Variants in STX11 observed in about 807,000 individuals in gnomAD.
STX11 encodes syntaxin 11.
Under a neutral mutation model 19.9 loss-of-function variants are expected in STX11, and 21 were observed. That is an observed-to-expected ratio of 1.06 (90% CI 0.75 to 1.52). The LOEUF is 1.52. STX11 is among the 40% of genes most tolerant of loss of function. The probability of loss-of-function intolerance (pLI) is 0.00; values close to 1 mark genes in which losing one functional copy is unlikely to be tolerated. For synonymous variants in STX11, 193 were observed against 174.4 expected, an observed-to-expected ratio of 1.11 and a Z score of -0.84; for missense variants, 438 against 405.9, an observed-to-expected ratio of 1.08 and a Z score of -0.68.
chr6:144,147,716 A>G (rs1800902322), upstream of STX11, among the ~76,000 whole-genome samples: 4 of 152,164 alleles, frequency 2.6e-5, no homozygotes, highest in African/African-American at 9.6e-5. The surrounding 1 kb of genome is among the most constrained non-coding windows in gnomAD (Gnocchi z 4.2). Flanking sequence ...TCCACAATTT[A>G]CTTTTTCAGG....
At chr6:144,185,490 C>T (rs1420802514) in intron 1 of STX11, among the ~76,000 whole-genome samples, 1 of 152,178 alleles carries the variant, frequency 6.6e-6, no homozygotes, top group Non-Finnish European at 1.5e-5. Context: ...TTTTTCACTT[C>T]ACTGAAAAGC....
rs192622310 is a variant in STX11 at position 144,176,656 on chromosome 6, G to C, written c.-5-9967G>C. Among the ~76,000 whole-genome samples the C allele has an allele frequency of 1.1e-4, 17 of 152,256 alleles. No homozygotes were observed. The highest frequency in any genetic ancestry group is 4.1e-4 in the African/African-American group (17 of 41,566). ...AGTGGAGATAACTGAGGAAGGGTTT[G>C]CTATTTTAACTCCCAGGAAAGAGAA... On this transcript the variant is annotated intron_variant, in intron 1 of 1. Transcript: ENST00000367568. The surrounding 1 kb of genome is among the most constrained non-coding windows in gnomAD (Gnocchi z 4.1).
rs770699587 is a variant in STX11, at chr6:144,159,306, A to G, written c.-6+8603A>G. On this transcript the variant is annotated intron_variant, in intron 1 of 1. Coordinates refer to ENST00000367568, the MANE Select transcript of STX11 (RefSeq NM_003764.4). The surrounding 1 kb of genome is among the most constrained non-coding windows in gnomAD (Gnocchi z 4.3). Reference sequence around the variant, plus strand: ...TAAGTAACAATTGAATATGTTATCAAACAACTACCAATAAAATATGGTGAG... The same window carrying G: ...TAAGTAACAATTGAATATGTTATCAGACAACTACCAATAAAATATGGTGAG... Among the ~76,000 whole-genome samples the G allele has an allele frequency of 1.3e-5, 2 of 152,240 alleles. No individual in the cohort carries two copies. The highest frequency in any genetic ancestry group is 6.5e-5 in the Admixed American group (1 of 15,288).
At chr6:144,150,455 G>A (rs1289174547), upstream of STX11, 6 of 973,930 alleles carry the variant, frequency 6.2e-6, no homozygotes, top group Admixed American at 1.8e-4. Context: ...TCATCCCGGG[G>A]CGGGGCCTGG....
intron 1 of STX11, among the ~76,000 whole-genome samples, chr6:144,157,113 C>CT (rs1231857582): frequency 1.3e-5 from 2 of 152,126 alleles, no homozygotes; most frequent in African/African-American, 4.8e-5. Context: ...CCCTGAGACT[C>CT]TGAGATTTCC....
chr6:144,161,373 C>CT, intron 1 of STX11, among the ~76,000 whole-genome samples: 1 of 150,092 alleles, frequency 6.7e-6, no homozygotes, highest in East Asian at 2.0e-4. Flanking sequence ...TGGAAATTTT[C>CT]TTTTTTTCTC....
At chr6:144,185,360 T>TGATAGA (rs1802000040) in intron 1 of STX11, among the ~76,000 whole-genome samples, 1 of 152,246 alleles carries the variant, frequency 6.6e-6, no homozygotes, top group Non-Finnish European at 1.5e-5. Flanking sequence ...GTGTTACTAC[T>TGATAGA]TTTCCCCTCT....
In STX11 at chr6:144,180,466, A is replaced by T. The variant is rs1354992304; in HGVS notation, c.-5-6157A>T. Among the ~76,000 whole-genome samples, 1 of 152,104 alleles carries T rather than the reference A, an allele frequency of 6.6e-6. No homozygotes were observed. Among genetic ancestry groups the T allele is most frequent in the Admixed American group, 6.5e-5 (1 of 15,268 alleles). ...AGGGGAAGGTAATTGAATCCTGGGG[A>T]TTGGTCTTCCCTGTGCTATTCTCGT... On this transcript the variant is annotated intron_variant, in intron 1 of 1. Transcript: ENST00000367568. The surrounding 1 kb of genome is among the most constrained non-coding windows in gnomAD (Gnocchi z 5.3).
At position 144,188,515 on chromosome 6, in the gene STX11, G is replaced by A. The variant is rs1379675643; in HGVS notation, c.*1024G>A. ...ACATATGGCGGTAGAAAATGTATAC[G>A]GAGCTAGAGACAACTAACATTCTTG... On this transcript the variant is annotated 3_prime_UTR_variant, in exon 2 of 2. Transcript: ENST00000367568. 9.0e-6 allele frequency: 2 copies of A among 221,780 alleles called. No individual in the cohort carries two copies. The highest frequency in any genetic ancestry group is 1.2e-4 in the Admixed American group (2 of 16,858). The allele number at this position is 221,780 out of a possible 1,614,324, so 13.7% of individuals were successfully genotyped here.
chr6:144,186,876 G>C lies in STX11; in HGVS notation c.249G>C (p.Lys83Asn). The C allele has an allele frequency of 6.2e-7, 1 of 1,612,636 alleles. No individual in the cohort carries two copies. Residue 83 changes from lysine (K) to asparagine (N), a missense_variant, in exon 2 of 2, where the codon AAG becomes AAC. Transcript: ENST00000367568. ...CCATGCGGCGCCTCAGCAGCATCAA[G>C]CGCGACACCAACTCCATCGCCAAGG... ...LTSMRRLSSI[K>N]RDTNSIAKAI...
At chr6:144,161,062 T>C (rs1388465501) in intron 1 of STX11, among the ~76,000 whole-genome samples, 2 of 152,240 alleles carry the variant, frequency 1.3e-5, no homozygotes, top group African/African-American at 4.8e-5. Flanking sequence ...TCATTTTGTA[T>C]AGGTTGAACT....
At position 144,155,967 on chromosome 6, in the gene STX11, T is replaced by G. The variant is rs886192368; in HGVS notation, c.-6+5264T>G. ...CTTTCTTTCTTTCTTTCTTTCTTTC[T>G]TTCTTTCTTTCTTTCTTTCTTTCTT... On this transcript the variant is annotated intron_variant, in intron 1 of 1. Coordinates refer to ENST00000367568, the MANE Select transcript of STX11 (RefSeq NM_003764.4). This position sits in a 1 kb window ranked among gnomAD's most constrained non-coding sequence, Gnocchi z 4.5. Among the ~76,000 whole-genome samples the G allele has an allele frequency of 7.8e-6, 1 of 127,846 alleles. No individual in the cohort carries two copies. The highest frequency in any genetic ancestry group is 4.0e-5 in the African/African-American group (1 of 24,764). 83.9% of individuals were successfully genotyped at this position (127,846 alleles called of 152,430 possible). A position where few individuals can be genotyped will look rare whatever the true frequency, so the allele number is the denominator to read the frequency against.
rs1802150112 is a variant in STX11, at chr6:144,189,153, G to T, written c.*1662G>T. Among the ~76,000 whole-genome samples the T allele has an allele frequency of 6.6e-6, 1 of 152,144 alleles. No individual in the cohort carries two copies. The highest frequency in any genetic ancestry group is 1.5e-5 in the Non-Finnish European group (1 of 68,034). On this transcript the variant is annotated 3_prime_UTR_variant, in exon 2 of 2. Coordinates refer to ENST00000367568, the MANE Select transcript of STX11 (RefSeq NM_003764.4). ...ATCCTCCCACCTCAGCCTACAAATA[G>T]CTGAGACTACAGATATGTGCCACCA...
intron 1 of STX11, among the ~76,000 whole-genome samples, chr6:144,171,146 A>T (rs1488494899): frequency 6.6e-6 from 1 of 152,200 alleles, no homozygotes; most frequent in Non-Finnish European, 1.5e-5. Context: ...TGAGATCTGG[A>T]TATGTCTCCA....
intron 1 of STX11, among the ~76,000 whole-genome samples, chr6:144,163,538 C>T (rs1237967429): frequency 1.3e-5 from 2 of 151,948 alleles, no homozygotes; most frequent in South Asian, 2.1e-4. Flanking sequence ...AGTGCAGTGG[C>T]GCAATCTCAG....
rs565625159 is a variant in STX11 at position 144,152,830 on chromosome 6, G to A, written c.-6+2127G>A. ...TGTATTTTTAGTAGGGACAAGGTTC[G>A]GCCCTGTTGGCCAGGCTGGTCTCGA... is the stretch of plus-strand genomic sequence containing the variant. On this transcript the variant is annotated intron_variant, in intron 1 of 1. Transcript: ENST00000367568. The surrounding 1 kb of genome is among the most constrained non-coding windows in gnomAD (Gnocchi z 4.9). 3.9e-5 allele frequency among the ~76,000 whole-genome samples: 6 copies of A among 152,268 alleles called. No homozygotes were observed. The East Asian group carries it at 5.8e-4, about 15-fold the overall frequency.
At position 144,170,326 on chromosome 6, in the gene STX11, CATTTT is replaced by C. The variant is rs1214040647; in HGVS notation, c.-5-16293_-5-16289del. 6.6e-6 allele frequency among the ~76,000 whole-genome samples: 1 copy of C among 152,134 alleles called. No individual in the cohort carries two copies. Among genetic ancestry groups the C allele is most frequent in the Non-Finnish European group, 1.5e-5 (1 of 68,022 alleles). On this transcript the variant is annotated intron_variant, in intron 1 of 1. Coordinates refer to ENST00000367568, the MANE Select transcript of STX11 (RefSeq NM_003764.4). The surrounding 1 kb of genome is among the most constrained non-coding windows in gnomAD (Gnocchi z 4.7). ...TGCATCCAGCCTGCTGCACACATGC[CATTTT>C]ATTACCTTTTGTCTGTGTGTGTGCG...
At position 144,188,398 on chromosome 6, in the gene STX11, GTTTTGAGTTTGTTTCAC is replaced by G. The variant is rs1240482713; in HGVS notation, c.*909_*925del. On this transcript the variant is annotated 3_prime_UTR_variant, in exon 2 of 2. Coordinates refer to ENST00000367568, the MANE Select transcript of STX11 (RefSeq NM_003764.4). ...TCTGGCTCTTGGTATTGGTTTGCTTGTTTTGAGTTTGTTTCACTCCAGTTTGCCCCTTCCTAGTCCAG... is the reference window on the plus strand; with the variant it reads ...TCTGGCTCTTGGTATTGGTTTGCTTGTCCAGTTTGCCCCTTCCTAGTCCAG... 1 of 225,914 alleles carries G rather than the reference GTTTTGAGTTTGTTTCAC, an allele frequency of 4.4e-6. No homozygotes were observed. The highest frequency in any genetic ancestry group is 9.6e-6 in the Non-Finnish European group (1 of 104,564). 14.0% of individuals were successfully genotyped at this position (225,914 alleles called of 1,614,324 possible).
chr6:144,182,910 T>C lies in STX11; in HGVS notation c.-5-3713T>C, dbSNP rs1466723063. Among the ~76,000 whole-genome samples, 1 of 152,208 alleles carries C rather than the reference T, an allele frequency of 6.6e-6. No homozygotes were observed. The highest frequency in any genetic ancestry group is 2.4e-5 in the African/African-American group (1 of 41,452). ...CTCATCCACTTGTTGCATGGTAGAC[T>C]ATATTGGGTACTAACTTAAGCAGAT... is the stretch of plus-strand genomic sequence containing the variant. On this transcript the variant is annotated intron_variant, in intron 1 of 1. Coordinates refer to ENST00000367568, the MANE Select transcript of STX11 (RefSeq NM_003764.4). This position sits in a 1 kb window ranked among gnomAD's most constrained non-coding sequence, Gnocchi z 4.8.
Sources: allele counts gnomAD v4.1 joint callset (sites outside exome capture counted in the v4.1 genomes callset), GRCh38; gene constraint gnomAD v4.1.1; non-coding constraint Gnocchi (gnomAD v3.1); transcripts MANE v1.5; gene names NCBI Gene and HGNC (gene_info 2026-07-23, HGNC 2026-07-21).